Variants in CREBBP observed in about 807,000 individuals in gnomAD.
CREBBP encodes the protein CREB binding lysine acetyltransferase.
CREBBP carries 19 observed loss-of-function variants against 265.0 expected under a neutral mutation model. The observed-to-expected ratio is 0.07, with a 90% CI of 0.05 to 0.11. The LOEUF (loss-of-function observed/expected upper bound fraction) is 0.11, where lower values mean the gene tolerates loss of function less well. Ranked by LOEUF, CREBBP falls within the 10% of genes least tolerant of loss-of-function variation. The probability of loss-of-function intolerance (pLI) is 1.00; values close to 1 mark genes in which losing one functional copy is unlikely to be tolerated. For synonymous variants in CREBBP, 1,457 were observed against 1,223.7 expected, an observed-to-expected ratio of 1.19 and a Z score of -3.98; for missense variants, 2,525 against 3,219.0, an observed-to-expected ratio of 0.78 and a Z score of 5.22.
At chr16:3,789,105 G>T (rs928263885) in intron 5 of CREBBP, among the ~76,000 whole-genome samples, 1 of 152,216 alleles carries the variant, frequency 6.6e-6, no homozygotes, top group African/African-American at 2.4e-5. Context: ...AGAGAGTGGA[G>T]CATGTGCTGA....
intron 3 of CREBBP, among the ~76,000 whole-genome samples, chr16:3,806,309 C>T (rs1047436363): frequency 1.3e-5 from 2 of 152,148 alleles, no homozygotes; most frequent in Non-Finnish European, 2.9e-5. Context: ...TGCCGTGGGC[C>T]CTGTCCACAA....
At chr16:3,812,990 A>G (rs1434360324) in intron 2 of CREBBP, 4 of 218,704 alleles carry the variant, frequency 1.8e-5, no homozygotes, top group African/African-American at 9.0e-5. Context: ...CATTCCTTCT[A>G]TGGACTTCAA....
In CREBBP at chr16:3,739,571, A is replaced by G. The variant is rs1432419503; in HGVS notation, c.4280+7T>C. On this transcript the variant is annotated splice_region_variant and intron_variant, in intron 25 of 30. Coordinates refer to ENST00000262367, the MANE Select transcript of CREBBP (RefSeq NM_004380.3). ...ATGACACGCCCTGGAAGGAGCTGGA[A>G]AACTACCTCGTGTTTGGAGGGGGGC... 1 of 1,614,102 alleles carries G rather than the reference A, an allele frequency of 6.2e-7. No individual in the cohort carries two copies. The highest frequency in any genetic ancestry group is 8.5e-7 in the Non-Finnish European group (1 of 1,180,038).
Position 3,728,193 on chromosome 16 carries a change from G to A in CREBBP, c.6854C>T (p.Pro2285Leu), listed in dbSNP as rs2151300995. 6.2e-7 allele frequency: 1 copy of A among 1,613,972 alleles called. No individual in the cohort carries two copies. The highest frequency in any genetic ancestry group is 1.7e-4 in the Middle Eastern group (1 of 6,054). The change falls in exon 31 of 31, where the codon CCC becomes CTC. Residue 2285 changes from proline to leucine, a missense_variant. By Grantham distance (98) the Pro-to-Leu change is moderately conservative (BLOSUM62 -3). This residue lies in a region of CREBBP where 473 missense variants were observed against 459.3 expected (regional missense o/e 1.03). Coordinates refer to ENST00000262367, the MANE Select transcript of CREBBP (RefSeq NM_004380.3). This position sits in a 1 kb window ranked among gnomAD's most constrained non-coding sequence, Gnocchi z 8.7. ...CTGCTGCAGGGCTTGCTGGATGTTGGGGGTGCTGTCTGCCCCCAGCCCCGG... is the reference window on the plus strand; with the variant it reads ...CTGCTGCAGGGCTTGCTGGATGTTGAGGGTGCTGTCTGCCCCCAGCCCCGG... ...GQPGLGADST[P>L]NIQQALQQRI...
chr16:3,843,294 T>A (rs1428092601), intron 2 of CREBBP, among the ~76,000 whole-genome samples: 1 of 152,158 alleles, frequency 6.6e-6, no homozygotes, highest in Non-Finnish European at 1.5e-5. Flanking sequence ...AAAAGTTAAG[T>A]ATCTTTTAGT....
intron 2 of CREBBP, among the ~76,000 whole-genome samples, chr16:3,830,930 G>A (rs765344620): frequency 5.9e-5 from 9 of 152,068 alleles, no homozygotes; most frequent in Middle Eastern, 3.2e-3. Flanking sequence ...CTACAGAAGC[G>A]CACCACCAAG....
At chr16:3,867,757 TAAAAA>T (rs756198312) in intron 1 of CREBBP, among the ~76,000 whole-genome samples, 1 of 94,532 alleles carries the variant, frequency 1.1e-5, no homozygotes, top group African/African-American at 4.0e-5. Context: ...GTATCTCTAC[TAAAAA>T]AAAAAAAAAA....
intron 3 of CREBBP, among the ~76,000 whole-genome samples, chr16:3,808,359 AT>A (rs2053872772): frequency 6.6e-6 from 1 of 152,140 alleles, no homozygotes; most frequent in Non-Finnish European, 1.5e-5. Context: ...GCCATTTTTG[AT>A]TATCATGGCT....
rs2054751101 is a variant in CREBBP, at chr16:3,849,429, GTGTGTGTGT to G, written c.798+859_798+867del. 2.4e-3 allele frequency among the ~76,000 whole-genome samples: 31 copies of G among 12,816 alleles called. 1 individual carries two copies. Among genetic ancestry groups the G allele is most frequent in the East Asian group, 9.1e-3 (3 of 330 alleles). 8.4% of individuals were successfully genotyped at this position (12,816 alleles called of 152,430 possible). On this transcript the variant is annotated intron_variant, in intron 2 of 30. Coordinates refer to ENST00000262367, the MANE Select transcript of CREBBP (RefSeq NM_004380.3). ...TGTGTGTGTGTGTGTGTGTGTGTGT[GTGTGTGTGT>G]GTGTGTGTGTGTGTGTGTGTGTGTG...
intron 2 of CREBBP, among the ~76,000 whole-genome samples, chr16:3,830,870 C>T (rs2054329400): frequency 6.6e-6 from 1 of 152,160 alleles, no homozygotes; most frequent in Admixed American, 6.5e-5. Flanking sequence ...TAACCTCTAC[C>T]TCCTGGGGTG....
chr16:3,879,496 G>A (rs1045012006), intron 1 of CREBBP, among the ~76,000 whole-genome samples: 9 of 152,240 alleles, frequency 5.9e-5, no homozygotes, highest in African/African-American at 1.9e-4. Context: ...CCACGCGTGT[G>A]GACACGGCCG....
chr16:3,768,136 G>GGTT (rs2052904875), intron 15 of CREBBP, among the ~76,000 whole-genome samples: 2 of 51,590 alleles, frequency 3.9e-5, no homozygotes, highest in Admixed American at 3.7e-4. Flanking sequence ...ATTTAAAAGT[G>GGTT]TTTTTTTTTT....
chr16:3,824,485 G>A (rs1168547650), intron 2 of CREBBP, among the ~76,000 whole-genome samples: 2 of 152,222 alleles, frequency 1.3e-5, no homozygotes, highest in Admixed American at 6.5e-5. Flanking sequence ...GAGAGAGCTG[G>A]TTATTCATAC....
At chr16:3,793,805 C>T (rs551367046) in intron 3 of CREBBP, among the ~76,000 whole-genome samples, 179 bp from the exon 4 acceptor site, 1 of 151,798 alleles carries the variant, frequency 6.6e-6, no homozygotes, top group African/African-American at 2.4e-5. Context: ...AGAAATCAAC[C>T]CAACTCAGCA....
chr16:3,728,325 G>T lies in CREBBP; in HGVS notation c.6722C>A (p.Pro2241Gln). 6.2e-7 allele frequency: 1 copy of T among 1,612,614 alleles called. No homozygotes were observed. Residue 2241 changes from proline to glutamine, a missense_variant, in exon 31 of 31, where the codon CCA becomes CAA. Pro to Gln is a moderately conservative substitution (Grantham distance 76). Transcript: ENST00000262367. This position sits in a 1 kb window ranked among gnomAD's most constrained non-coding sequence, Gnocchi z 8.7. ...GCGCTGCTGCTGCTGCATGGCCGGT[G>T]GGTAGCCTCCGGGTCCTTGAGGCTG... Reference protein sequence around the residue: ...FQQPQGPGGYPPAMQQQQRMQ... With the variant: ...FQQPQGPGGYQPAMQQQQRMQ...
chr16:3,735,985 T>A lies in CREBBP; in HGVS notation c.4728+51A>T, dbSNP rs377165523. ...ACACGCGCCTCCCAGCCTGCCACCC[T>A]GCAGCTCCAGCGGGACACGTGGGCA... On this transcript the variant is annotated intron_variant, in intron 28 of 30. Transcript: ENST00000262367. 100 of 1,613,856 alleles carry A rather than the reference T, an allele frequency of 6.2e-5. No individual in the cohort carries two copies. The African/African-American group carries it at 8.8e-4, about 14-fold the overall frequency.
chr16:3,736,588 G>A lies in CREBBP; in HGVS notation c.4560+62C>T, dbSNP rs1333798279. ...ACAAGTATGCGAATGCAAGAAAAAG[G>A]CACACAAATATCCTCCCCTCAGTTG... On this transcript the variant is annotated intron_variant, in intron 27 of 30. Transcript: ENST00000262367. 8 of 1,602,966 alleles carry A rather than the reference G, an allele frequency of 5.0e-6. No individual in the cohort carries two copies. In the South Asian group the frequency reaches 7.7e-5, roughly 15 times the overall value.
intron 1 of CREBBP, among the ~76,000 whole-genome samples, chr16:3,863,556 C>T (rs1414241678): frequency 6.6e-6 from 1 of 152,104 alleles, no homozygotes. Flanking sequence ...GAGCCGAGAT[C>T]GCGCCACTGC....
At chr16:3,821,733 T>C (rs2058126155) in intron 2 of CREBBP, among the ~76,000 whole-genome samples, 1 of 152,198 alleles carries the variant, frequency 6.6e-6, no homozygotes, top group African/African-American at 2.4e-5. Flanking sequence ...TTTTATTCTA[T>C]AAAGACTGAA....
Sources: gnomAD v4.1 joint callset for allele counts (sites outside exome capture counted in the v4.1 genomes callset) on GRCh38, gnomAD v4.1.1 for gene constraint, gnomAD v4.1.1 regional missense constraint, Gnocchi (gnomAD v3.1) non-coding constraint, MANE v1.5 for transcripts, NCBI Gene and HGNC (gene_info 2026-07-23, HGNC 2026-07-21) for gene names.